Variants in OR9Q1 observed in about 807,000 individuals in gnomAD.
OR9Q1 encodes the protein olfactory receptor family 9 subfamily Q member 1, also known as olfactory receptor 9Q1.
For missense variants in OR9Q1, 374 were observed against 378.8 expected (o/e 0.99, Z 0.11); for synonymous variants, 153 against 148.6 (o/e 1.03, Z -0.22).
chr11:58,126,058 G>A (rs541523937), intron 2 of OR9Q1, among the ~76,000 whole-genome samples: 1 of 152,154 alleles, frequency 6.6e-6, no homozygotes, highest in Non-Finnish European at 1.5e-5. Flanking sequence ...GCTCAGGAAG[G>A]TATGAGTCTG....
At chr11:58,149,989 G>C (rs1332311548) in intron 2 of OR9Q1, among the ~76,000 whole-genome samples, 1 of 152,162 alleles carries the variant, frequency 6.6e-6, no homozygotes, top group Non-Finnish European at 1.5e-5. Flanking sequence ...CTACTTAAAA[G>C]TGGAATTGTT....
At chr11:58,068,865 A>G (rs1443940972) in intron 2 of OR9Q1, among the ~76,000 whole-genome samples, 5 of 152,084 alleles carry the variant, frequency 3.3e-5, no homozygotes, top group African/African-American at 1.2e-4. Flanking sequence ...GCCTGAAGGG[A>G]GCACCAGGGA....
chr11:58,026,631 G>T (rs1852975825), intron 1 of OR9Q1: 1 of 142,390 alleles, frequency 7.0e-6, no homozygotes, highest in African/African-American at 2.7e-5. Context: ...GCAGTGAGCC[G>T]AGATTGCACC....
intron 2 of OR9Q1, among the ~76,000 whole-genome samples, chr11:58,083,571 A>AT (rs887969615): frequency 2.0e-4 from 30 of 150,724 alleles, no homozygotes; most frequent in Non-Finnish European, 3.3e-4. Flanking sequence ...TCTCTTCTAG[A>AT]TTTTTTTTTC....
intron 2 of OR9Q1, among the ~76,000 whole-genome samples, chr11:58,081,209 G>A (rs1328417684): frequency 6.6e-6 from 1 of 152,146 alleles, no homozygotes; most frequent in Non-Finnish European, 1.5e-5. Context: ...TCTTAATCCA[G>A]TCTATCACTG....
intron 1 of OR9Q1, among the ~76,000 whole-genome samples, chr11:58,052,719 C>T (rs1853278176): frequency 6.9e-6 from 1 of 143,958 alleles, no homozygotes; most frequent in Non-Finnish European, 1.5e-5. Context: ...GGCTAATATC[C>T]AGAATCTACA....
At chr11:58,076,253 T>G (rs1465747842) in intron 2 of OR9Q1, among the ~76,000 whole-genome samples, 1 of 152,194 alleles carries the variant, frequency 6.6e-6, no homozygotes, top group Non-Finnish European at 1.5e-5. Flanking sequence ...TTTCCATGAG[T>G]CAAGAGTCAG....
chr11:58,141,894 T>C (rs1854253305), intron 2 of OR9Q1, among the ~76,000 whole-genome samples: 1 of 152,192 alleles, frequency 6.6e-6, no homozygotes, highest in African/African-American at 2.4e-5. Flanking sequence ...TTCTCTCTGT[T>C]ATCAGAAGGC....
chr11:58,112,491 A>G (rs1170713558), intron 2 of OR9Q1, among the ~76,000 whole-genome samples: 1 of 151,978 alleles, frequency 6.6e-6, no homozygotes, highest in Admixed American at 6.5e-5. Context: ...TTTTTTTCCT[A>G]GAAGGGCCAT....
chr11:58,036,955 A>G (rs36071925), intron 1 of OR9Q1, among the ~76,000 whole-genome samples: 32,820 of 152,180 alleles, frequency 0.22, 4,098 homozygotes, highest in Middle Eastern at 0.38. Context: ...GCTTGAAAGA[A>G]TTGACTTGAA....
intron 2 of OR9Q1, among the ~76,000 whole-genome samples, chr11:58,174,936 A>G (rs1025423204): frequency 2.7e-5 from 4 of 150,432 alleles, no homozygotes; most frequent in Middle Eastern, 6.3e-3. Flanking sequence ...TGAAATCACG[A>G]CTCTACTAGA....
At chr11:58,072,182 T>C (rs1014404061) in intron 2 of OR9Q1, among the ~76,000 whole-genome samples, 7 of 152,202 alleles carry the variant, frequency 4.6e-5, no homozygotes, top group Admixed American at 4.6e-4. Context: ...AGACTTATAA[T>C]ACATACAACA....
intron 2 of OR9Q1, among the ~76,000 whole-genome samples, chr11:58,112,292 C>CAAAAAAAAAAAAAAAAAAAAAAAAAAA (rs761960271): frequency 9.8e-5 from 11 of 111,784 alleles, no homozygotes; most frequent in African/African-American, 2.9e-4. Flanking sequence ...GACTTCGTCT[C>CAAAAAAAAAAAAAAAAAAAAAAAAAAA]AAAGAAAAAA....
At chr11:58,041,171 T>A (rs1372874696) in intron 1 of OR9Q1, 1 of 152,616 alleles carries the variant, frequency 6.6e-6, no homozygotes, top group East Asian at 1.9e-4. Context: ...TTTCACAGGC[T>A]GAGGGGGCCA....
intron 1 of OR9Q1, chr11:58,031,810 G>C: frequency 1.9e-6 from 3 of 1,613,976 alleles, no homozygotes; most frequent in Non-Finnish European, 2.5e-6. Context: ...CTGTTGTCAC[G>C]CCCATGCTCA....
At chr11:58,089,780 C>A (rs984847560) in intron 2 of OR9Q1, among the ~76,000 whole-genome samples, 1 of 151,778 alleles carries the variant, frequency 6.6e-6, no homozygotes, top group African/African-American at 2.4e-5. Flanking sequence ...TCTTCCTATC[C>A]ATGATCATGG....
At chr11:58,043,371 C>T (rs893899730) in intron 1 of OR9Q1, among the ~76,000 whole-genome samples, 5 of 152,324 alleles carry the variant, frequency 3.3e-5, no homozygotes, top group Admixed American at 6.5e-5. Flanking sequence ...CCTGGTCTTC[C>T]TGCTCCAATC....
chr11:58,108,796 A>G (rs1371914050), intron 2 of OR9Q1: 1 of 260,596 alleles, frequency 3.8e-6, no homozygotes. Context: ...CAGACTGTAG[A>G]TCAAGGGGTT....
At chr11:58,106,919 C>T (rs1254699296) in intron 2 of OR9Q1, among the ~76,000 whole-genome samples, 1 of 152,104 alleles carries the variant, frequency 6.6e-6, no homozygotes, top group Non-Finnish European at 1.5e-5. Flanking sequence ...AAATGTGATG[C>T]CTCTGGCTTA....
Sources: allele counts gnomAD v4.1 joint callset (sites outside exome capture counted in the v4.1 genomes callset), GRCh38; gene constraint gnomAD v4.1.1; transcripts MANE v1.5; gene names NCBI Gene and HGNC (gene_info 2026-07-23, HGNC 2026-07-21).